Variants in SLC10A7 observed in about 807,000 individuals in gnomAD.
SLC10A7 encodes solute carrier family 10 member 7.
In SLC10A7, 29 loss-of-function variants were observed where a neutral mutation model predicts 43.2. The observed-to-expected ratio is 0.67, with a 90% CI of 0.50 to 0.92. SLC10A7 has a LOEUF of 0.92. Ranked by LOEUF, SLC10A7 falls within the 40% of genes least tolerant of loss-of-function variation. SLC10A7 has a pLI of 0.00. For synonymous variants in SLC10A7, 152 were observed against 144.8 expected, an observed-to-expected ratio of 1.05 and a Z score of -0.35; for missense variants, 295 against 403.2, an observed-to-expected ratio of 0.73 and a Z score of 2.30.
intron 4 of SLC10A7, among the ~76,000 whole-genome samples, chr4:146,475,117 G>A (rs538409589): frequency 1.3e-5 from 2 of 152,094 alleles, no homozygotes; most frequent in African/African-American, 4.8e-5. Context: ...ATGAGATATC[G>A]AAATTACACG....
intron 5 of SLC10A7, among the ~76,000 whole-genome samples, chr4:146,377,630 A>G (rs919466381): frequency 1.3e-5 from 2 of 152,226 alleles, no homozygotes; most frequent in African/African-American, 4.8e-5. Flanking sequence ...AAGACCATAT[A>G]TTAGAACAAA....
At chr4:146,393,639 A>G (rs1206604739) in intron 5 of SLC10A7, among the ~76,000 whole-genome samples, 2 of 152,226 alleles carry the variant, frequency 1.3e-5, no homozygotes, top group African/African-American at 4.8e-5. Context: ...ATACTGAGTA[A>G]TTTCTATAAA....
intron 4 of SLC10A7, among the ~76,000 whole-genome samples, chr4:146,459,763 C>T (rs1407990123): frequency 1.3e-5 from 2 of 151,750 alleles, no homozygotes; most frequent in Non-Finnish European, 2.9e-5. Context: ...ATTAGGACAA[C>T]ATATCTACGT....
chr4:146,512,626 T>C (rs1383180406), intron 2 of SLC10A7, among the ~76,000 whole-genome samples: 1 of 152,196 alleles, frequency 6.6e-6, no homozygotes, highest in Non-Finnish European at 1.5e-5. Context: ...GCATAACCTA[T>C]AGAGAGCAAC....
chr4:146,315,687 CTT>C (rs1484103657), intron 6 of SLC10A7, among the ~76,000 whole-genome samples: 1 of 152,046 alleles, frequency 6.6e-6, no homozygotes, highest in Non-Finnish European at 1.5e-5. Context: ...CATGTATCCT[CTT>C]TTCTCTATTA....
At chr4:146,452,860 G>A (rs1386309092) in intron 4 of SLC10A7, among the ~76,000 whole-genome samples, 1 of 151,820 alleles carries the variant, frequency 6.6e-6, no homozygotes, top group African/African-American at 2.4e-5. Context: ...AACCATTACT[G>A]AATATTTTCT....
chr4:146,283,026 A>G (rs1729649703), intron 10 of SLC10A7, among the ~76,000 whole-genome samples, 166 bp downstream of exon 10: 1 of 152,188 alleles, frequency 6.6e-6, no homozygotes, highest in South Asian at 2.1e-4. Flanking sequence ...CAATCAAATA[A>G]CAGAATTTCA....
intron 5 of SLC10A7, among the ~76,000 whole-genome samples, chr4:146,339,909 A>G (rs906016118): frequency 6.6e-6 from 1 of 150,704 alleles, no homozygotes; most frequent in Admixed American, 6.6e-5. Context: ...TGCTGCACCT[A>G]TCAACCCATC....
chr4:146,374,307 G>C lies in SLC10A7; in HGVS notation c.436-48311C>G, dbSNP rs1488771705. On this transcript the variant is annotated intron_variant, in intron 5 of 11. Coordinates refer to ENST00000335472, the MANE Select transcript of SLC10A7 (RefSeq NM_001029998.6). Reference sequence around the variant, plus strand: ...CCCATCTTATAACATAGCTATTTTGGGCCAGGTGCGGTGGCTCATGTCTGT... The same window carrying C: ...CCCATCTTATAACATAGCTATTTTGCGCCAGGTGCGGTGGCTCATGTCTGT... Among the ~76,000 whole-genome samples the C allele has an allele frequency of 2.0e-5, 3 of 151,990 alleles. No individual in the cohort carries two copies. In the South Asian group the frequency reaches 6.2e-4, roughly 32 times the overall value.
intron 4 of SLC10A7, among the ~76,000 whole-genome samples, chr4:146,468,422 C>T (rs1733243409): frequency 6.6e-6 from 1 of 151,512 alleles, no homozygotes; most frequent in Non-Finnish European, 1.5e-5. Context: ...GACATGAGGG[C>T]ATGGAGCAAT....
chr4:146,295,445 A>C (rs1024335486), intron 7 of SLC10A7, among the ~76,000 whole-genome samples: 4 of 152,092 alleles, frequency 2.6e-5, no homozygotes, highest in Non-Finnish European at 5.9e-5. Context: ...AGGTGGGGGG[A>C]GTGTAGAAGT....
intron 5 of SLC10A7, among the ~76,000 whole-genome samples, chr4:146,363,078 A>AT (rs1211428591): frequency 6.6e-6 from 1 of 152,108 alleles, no homozygotes; most frequent in Non-Finnish European, 1.5e-5. Flanking sequence ...GGCTAAGTAG[A>AT]TTTTTTAAAA....
At chr4:146,334,770 A>G (rs538235998) in intron 5 of SLC10A7, among the ~76,000 whole-genome samples, 2 of 152,228 alleles carry the variant, frequency 1.3e-5, no homozygotes, top group South Asian at 2.1e-4. Context: ...CAGAGGTTAT[A>G]GTAGGTACAG....
intron 4 of SLC10A7, among the ~76,000 whole-genome samples, chr4:146,487,582 A>G (rs1450316043): frequency 6.6e-6 from 1 of 152,204 alleles, no homozygotes; most frequent in African/African-American, 2.4e-5. Flanking sequence ...TTTTTGCCTG[A>G]GATAATGCAT....
chr4:146,347,472 C>T (rs574222928), intron 5 of SLC10A7, among the ~76,000 whole-genome samples: 5 of 152,138 alleles, frequency 3.3e-5, no homozygotes, highest in Non-Finnish European at 5.9e-5. Flanking sequence ...GTCAGCAAAA[C>T]CGAATGTTAC....
chr4:146,275,566 G>A (rs1422902235), intron 10 of SLC10A7, among the ~76,000 whole-genome samples: 1 of 152,120 alleles, frequency 6.6e-6, no homozygotes, highest in Non-Finnish European at 1.5e-5. Context: ...TGGAAGTCAT[G>A]TGAGCTGGTG....
intron 5 of SLC10A7, among the ~76,000 whole-genome samples, chr4:146,388,756 C>CAAAA (rs1463506912): frequency 2.1e-4 from 19 of 92,294 alleles, no homozygotes; most frequent in African/African-American, 8.4e-4. Context: ...GAGACTCTGT[C>CAAAA]AAAAAACAAC....
intron 5 of SLC10A7, among the ~76,000 whole-genome samples, chr4:146,375,674 T>C (rs2679121): frequency 0.01 from 1,584 of 152,326 alleles, 23 homozygotes; most frequent in African/African-American, 0.036. Flanking sequence ...CCCAACAGAA[T>C]GTTGTAAAGG....
In SLC10A7 at chr4:146,418,324, T is replaced by C. The variant is rs116414916; in HGVS notation, c.435+24459A>G. 6.7e-3 allele frequency among the ~76,000 whole-genome samples: 1,024 copies of C among 152,278 alleles called. 10 individuals carry two copies. Among genetic ancestry groups the C allele is most frequent in the African/African-American group, 0.024 (977 of 41,552 alleles). On this transcript the variant is annotated intron_variant, in intron 5 of 11. Coordinates refer to ENST00000335472, the MANE Select transcript of SLC10A7 (RefSeq NM_001029998.6). The stretch of plus-strand genomic sequence containing the variant: ...TAGCTCCACTTTTGATACAAATCTC[T>C]AGTTTTTAGGGTTTACAATTCTGGT...
Sources: allele counts gnomAD v4.1 joint callset (sites outside exome capture counted in the v4.1 genomes callset), GRCh38; gene constraint gnomAD v4.1.1; transcripts MANE v1.5; gene names NCBI Gene and HGNC (gene_info 2026-07-23, HGNC 2026-07-21).